PCDHA8: variants seen among roughly 807,000 people sequenced by gnomAD.
The protein encoded by PCDHA8 is protocadherin alpha-8.
In PCDHA8, 53 loss-of-function variants were observed where a neutral mutation model predicts 61.8. The observed-to-expected ratio is 0.86, with a 90% CI of 0.69 to 1.08. The LOEUF is 1.08. Ranked by LOEUF, PCDHA8 falls within the 50% of genes least tolerant of loss-of-function variation. PCDHA8 has a pLI of 0.00. For missense variants in PCDHA8, 1,293 were observed against 1,245.0 expected, an observed-to-expected ratio of 1.04 and a Z score of -0.58; for synonymous variants, 618 against 556.6, an observed-to-expected ratio of 1.11 and a Z score of -1.55.
intron 1 of PCDHA8, chr5:140,870,150 C>T (rs2051709522): frequency 6.2e-7 from 1 of 1,614,098 alleles, no homozygotes; most frequent in Non-Finnish European, 8.5e-7. Context: ...CTCCTGAAGT[C>T]GCCGTGACTT....
At chr5:140,884,588 C>G (rs1554181766) in intron 1 of PCDHA8, 1 of 1,614,152 alleles carries the variant, frequency 6.2e-7, no homozygotes, top group East Asian at 2.2e-5. Context: ...GGCCTTCAGT[C>G]CCAGCCTTCC....
chr5:140,925,048 C>A (rs574148178), intron 1 of PCDHA8, among the ~76,000 whole-genome samples: 1 of 150,658 alleles, frequency 6.6e-6, no homozygotes, highest in South Asian at 2.1e-4. Flanking sequence ...AAGTTTGAGA[C>A]CAGACTGGGC....
intron 1 of PCDHA8, chr5:140,852,445 T>G (rs1294912184): frequency 5.4e-6 from 1 of 184,644 alleles, no homozygotes; most frequent in Admixed American, 6.7e-5. Flanking sequence ...GCCCAGCTAA[T>G]TTTTGTATTT....
chr5:140,952,303 AC>A (rs1554220328), intron 1 of PCDHA8, among the ~76,000 whole-genome samples: 1 of 147,998 alleles, frequency 6.8e-6, no homozygotes, highest in African/African-American at 2.5e-5. Flanking sequence ...CAGCCATTTC[AC>A]TCCAGCCTGG....
intron 1 of PCDHA8, chr5:140,849,824 G>A (rs2150452119): frequency 3.1e-6 from 5 of 1,598,646 alleles, no homozygotes; most frequent in Non-Finnish European, 2.6e-6. Flanking sequence ...GGGTGTCTGT[G>A]GAGGTGGCCG....
chr5:140,944,743 T>A (rs1307968034), intron 1 of PCDHA8, among the ~76,000 whole-genome samples: 2 of 152,238 alleles, frequency 1.3e-5, no homozygotes, highest in East Asian at 3.8e-4. Flanking sequence ...TCTGAGCATT[T>A]ACATGGAAAA....
intron 1 of PCDHA8, chr5:140,969,419 T>C: frequency 6.4e-7 from 1 of 1,563,564 alleles, no homozygotes; most frequent in Non-Finnish European, 8.7e-7. Flanking sequence ...ATTGAGTCAT[T>C]AACAGTGACA....
At position 140,843,113 on chromosome 5, in the gene PCDHA8, G is replaced by C. The variant is rs1234618172; in HGVS notation, c.1792G>C (p.Asp598His). The C allele has an allele frequency of 6.3e-7, 1 of 1,595,750 alleles. No homozygotes were observed. The highest frequency in any genetic ancestry group is 1.3e-5 in the African/African-American group (1 of 74,456). Reference sequence around the variant, plus strand: ...CGTGGTAGCGAAGGTGCGCGCAGTGGACGCCGACTCGGGCTACAACGCGTG... The same window carrying C: ...CGTGGTAGCGAAGGTGCGCGCAGTGCACGCCGACTCGGGCTACAACGCGTG... ...GHVVAKVRAVDADSGYNAWLS... is the reference protein window; with the variant it reads ...GHVVAKVRAVHADSGYNAWLS... The change falls in exon 1 of 4, where the codon GAC (aspartate) becomes CAC (histidine). Residue 598 changes from aspartate (D) to histidine (H), a missense_variant. Asp to His is a moderately conservative substitution (Grantham distance 81). Transcript: ENST00000531613.
At chr5:140,850,305 A>T in intron 1 of PCDHA8, 1 of 1,596,974 alleles carries the variant, frequency 6.3e-7, no homozygotes, top group African/African-American at 1.3e-5. Flanking sequence ...CTCGGGCTAC[A>T]ACGCGTGGCT....
intron 1 of PCDHA8, among the ~76,000 whole-genome samples, chr5:140,890,116 G>A (rs1290402695): frequency 6.6e-6 from 1 of 152,142 alleles, no homozygotes; most frequent in East Asian, 1.9e-4. Flanking sequence ...ATTCAATGAT[G>A]TCACTTTGGT....
chr5:140,857,755 T>G (rs1427129030), intron 1 of PCDHA8: 1 of 1,597,184 alleles, frequency 6.3e-7, no homozygotes, highest in Non-Finnish European at 8.6e-7. Flanking sequence ...CGTCTCCCGC[T>G]GGCAGCGCGG....
At chr5:140,970,758 A>T (rs1217450283) in intron 1 of PCDHA8, among the ~76,000 whole-genome samples, 2 of 152,232 alleles carry the variant, frequency 1.3e-5, no homozygotes, top group East Asian at 3.8e-4. Flanking sequence ...ATTTTCATTG[A>T]CATATTGCTG....
intron 1 of PCDHA8, chr5:140,969,187 G>A (rs1469342094): frequency 1.2e-6 from 2 of 1,614,106 alleles, no homozygotes; most frequent in Non-Finnish European, 8.5e-7. Context: ...ACACTTTCAT[G>A]TTTTACAATA....
rs1038789772 is a variant in PCDHA8, at chr5:140,894,031, G to C, written c.2394+50316G>C. On this transcript the variant is annotated intron_variant, in intron 1 of 3. Transcript: ENST00000531613. ...TTCAAATTACCAGTTCTGCATACTG[G>C]TAATGTAAGTCCTCTGTTGAATTGA... Among the ~76,000 whole-genome samples, 3 of 152,204 alleles carry C rather than the reference G, an allele frequency of 2.0e-5. No homozygotes were observed. In the South Asian group the frequency reaches 6.2e-4, roughly 32 times the overall value.
intron 1 of PCDHA8, chr5:140,870,392 G>A (rs1330154432): frequency 1.9e-6 from 3 of 1,614,136 alleles, no homozygotes; most frequent in South Asian, 2.2e-5. Context: ...CGGGATGGGG[G>A]TTCGCCTTCT....
At chr5:140,895,435 C>T (rs2065005335) in intron 1 of PCDHA8, among the ~76,000 whole-genome samples, 2 of 152,134 alleles carry the variant, frequency 1.3e-5, no homozygotes, top group African/African-American at 4.8e-5. Context: ...CCTCCTGAGA[C>T]TCTTTTCATG....
At chr5:140,940,055 C>G (rs1179353318) in intron 1 of PCDHA8, among the ~76,000 whole-genome samples, 1 of 152,064 alleles carries the variant, frequency 6.6e-6, no homozygotes, top group Non-Finnish European at 1.5e-5. Context: ...GATTCTTAAC[C>G]AAATATAAAT....
rs1467294389 is a variant in PCDHA8 at position 140,851,714 on chromosome 5, C to T, written c.2394+7999C>T. ...TAAAATGATCAGCCATGTGAAGATT[C>T]GAAACTTCGAGTTCTTTTGAAATTC... On this transcript the variant is annotated intron_variant, in intron 1 of 3. Coordinates refer to ENST00000531613, the MANE Select transcript of PCDHA8 (RefSeq NM_018911.3). The T allele has an allele frequency of 2.3e-5, 22 of 961,800 alleles. 2 individuals are homozygous for T. The highest frequency in any genetic ancestry group is 9.6e-5 in the South Asian group (2 of 20,808). The allele number at this position is 961,800 out of a possible 1,614,324, so 59.6% of individuals were successfully genotyped here.
chr5:140,964,939 T>C (rs1230992301), intron 1 of PCDHA8, among the ~76,000 whole-genome samples: 1 of 152,182 alleles, frequency 6.6e-6, no homozygotes, highest in Non-Finnish European at 1.5e-5. Flanking sequence ...GGAGCATTGA[T>C]AGTGAGTGTG....
Sources: allele counts gnomAD v4.1 joint callset (sites outside exome capture counted in the v4.1 genomes callset), GRCh38; gene constraint gnomAD v4.1.1; transcripts MANE v1.5; gene names NCBI Gene and HGNC (gene_info 2026-07-23, HGNC 2026-07-21).